Variants in IQCM observed in about 807,000 individuals in gnomAD.
IQCM encodes IQ domain-containing protein M.
IQCM carries 45 observed loss-of-function variants against 57.6 expected under a neutral mutation model. The observed-to-expected ratio is 0.78, with a 90% confidence interval of 0.62 to 1.00. IQCM has a LOEUF of 1.00. IQCM is among the 50% of genes least tolerant of loss of function. The pLI, the probability that IQCM is intolerant of heterozygous loss-of-function variation, is 0.00. For synonymous variants in IQCM, 148 were observed against 158.9 expected (o/e 0.93, Z 0.51); for missense variants, 468 against 511.6 (o/e 0.91, Z 0.82).
At chr4:149,541,154 A>C (rs1030430212) in intron 12 of IQCM, among the ~76,000 whole-genome samples, 6 of 152,164 alleles carry the variant, frequency 3.9e-5, no homozygotes, top group Non-Finnish European at 8.8e-5. Flanking sequence ...TTGGTAAAGG[A>C]GCAGAAAATG....
chr4:149,722,921 A>G (rs1159471637), intron 5 of IQCM, among the ~76,000 whole-genome samples: 1 of 152,088 alleles, frequency 6.6e-6, no homozygotes, highest in African/African-American at 2.4e-5. Context: ...CTTTCAATCC[A>G]TGAGCATGAG....
At chr4:149,547,354 A>G (rs1302897083) in intron 12 of IQCM, among the ~76,000 whole-genome samples, 1 of 152,196 alleles carries the variant, frequency 6.6e-6, no homozygotes, top group South Asian at 2.1e-4. Flanking sequence ...ATAAAGATGA[A>G]CTTGGAAGAC....
intron 12 of IQCM, among the ~76,000 whole-genome samples, chr4:149,468,456 A>G (rs1004792871): frequency 1.3e-5 from 2 of 152,188 alleles, no homozygotes; most frequent in African/African-American, 4.8e-5. Context: ...TGAGGCTTGA[A>G]TAGGTAAAAG....
At chr4:149,581,105 TG>T (rs1241446743) in intron 9 of IQCM, among the ~76,000 whole-genome samples, 1 of 151,540 alleles carries the variant, frequency 6.6e-6, no homozygotes, top group African/African-American at 2.4e-5. Flanking sequence ...ATTTGGTGGT[TG>T]GGGAGTTCTG....
intron 5 of IQCM, among the ~76,000 whole-genome samples, chr4:149,722,144 G>T (rs1765501557): frequency 6.6e-6 from 1 of 151,752 alleles, no homozygotes. Flanking sequence ...GGGATTATTT[G>T]GTCTTCTCCT....
intron 8 of IQCM, among the ~76,000 whole-genome samples, chr4:149,599,671 G>T (rs750814271): frequency 6.6e-6 from 1 of 152,048 alleles, no homozygotes; most frequent in Non-Finnish European, 1.5e-5. Context: ...GTGGTAATAC[G>T]TTTGGCAGAT....
At chr4:149,630,742 A>G (rs1757195758) in intron 7 of IQCM, among the ~76,000 whole-genome samples, 1 of 152,188 alleles carries the variant, frequency 6.6e-6, no homozygotes, top group African/African-American at 2.4e-5. Context: ...AAATGTTCAT[A>G]TTTTTTGTAA....
At chr4:149,398,015 C>T (rs1422493860) in intron 13 of IQCM, among the ~76,000 whole-genome samples, 1 of 151,878 alleles carries the variant, frequency 6.6e-6, no homozygotes, top group East Asian at 1.9e-4. Flanking sequence ...CAAAGGTTTT[C>T]CCTTATGTTT....
chr4:149,754,781 T>C lies in IQCM; in HGVS notation c.-48-12042A>G, dbSNP rs183921918. 3.9e-5 allele frequency among the ~76,000 whole-genome samples: 6 copies of C among 152,336 alleles called. No individual in the cohort carries two copies. In the East Asian group the frequency reaches 1.2e-3, roughly 29 times the overall value. On this transcript the variant is annotated intron_variant, in intron 2 of 13. Transcript: ENST00000636793. ...TTTTCTACCACATACGTTTATTTTG[T>C]GATTTAGTCCTGGCTCATGGCTTTC...
chr4:149,523,308 A>G (rs1001944254), intron 12 of IQCM, among the ~76,000 whole-genome samples: 1 of 152,140 alleles, frequency 6.6e-6, no homozygotes, highest in South Asian at 2.1e-4. Flanking sequence ...TTCAGTCCAT[A>G]GCATGCAATT....
intron 13 of IQCM, among the ~76,000 whole-genome samples, chr4:149,356,852 TCA>T (rs1729031886): frequency 2.6e-5 from 4 of 152,278 alleles, no homozygotes; most frequent in African/African-American, 9.6e-5. Flanking sequence ...GCCATTTTCA[TCA>T]TATTGATTCT....
chr4:149,700,184 A>G (rs1185926918), intron 5 of IQCM, among the ~76,000 whole-genome samples: 1 of 152,106 alleles, frequency 6.6e-6, no homozygotes, highest in Non-Finnish European at 1.5e-5. Context: ...ACATATAGGC[A>G]TACACAAAGA....
At chr4:149,570,178 C>G (rs1031532761) in intron 9 of IQCM, among the ~76,000 whole-genome samples, 2 of 151,774 alleles carry the variant, frequency 1.3e-5, no homozygotes, top group South Asian at 4.1e-4. Flanking sequence ...ATATAAAATG[C>G]CTTTACTGAG....
chr4:149,661,238 T>G (rs1760177465), intron 7 of IQCM, among the ~76,000 whole-genome samples: 1 of 152,192 alleles, frequency 6.6e-6, no homozygotes, highest in Non-Finnish European at 1.5e-5. Flanking sequence ...TTTTCCTTTC[T>G]GTTAATGTGG....
chr4:149,759,102 A>C (rs1769265960), intron 2 of IQCM, among the ~76,000 whole-genome samples: 1 of 152,214 alleles, frequency 6.6e-6, no homozygotes, highest in African/African-American at 2.4e-5. Flanking sequence ...TGAGCTATCC[A>C]GCCATGAAAA....
chr4:149,676,113 T>C (rs1445800113), intron 7 of IQCM, among the ~76,000 whole-genome samples: 1 of 152,044 alleles, frequency 6.6e-6, no homozygotes, highest in Non-Finnish European at 1.5e-5. Flanking sequence ...AAATGAACAC[T>C]TGAGGAATAT....
At chr4:149,410,852 C>T (rs1733334652) in intron 13 of IQCM, among the ~76,000 whole-genome samples, 1 of 152,082 alleles carries the variant, frequency 6.6e-6, no homozygotes, top group African/African-American at 2.4e-5. Flanking sequence ...CCTAACCCTT[C>T]AACAGGATAG....
In IQCM at chr4:149,463,256, A is replaced by C. The variant is rs528656962; in HGVS notation, c.1229-29699T>G. ...CACTTTAAAATGAACTGCCATAAAC[A>C]AGAAGAGTGCAGCTTACTGCTGCTA... On this transcript the variant is annotated intron_variant, in intron 12 of 13. Transcript: ENST00000636793. Among the ~76,000 whole-genome samples, 178 of 152,342 alleles carry C rather than the reference A, an allele frequency of 1.2e-3. 1 individual carries two copies. Among genetic ancestry groups the C allele is most frequent in the Admixed American group, 1.1e-3 (17 of 15,302 alleles).
chr4:149,490,027 C>G (rs898114979), intron 12 of IQCM, among the ~76,000 whole-genome samples: 1 of 151,926 alleles, frequency 6.6e-6, no homozygotes, highest in African/African-American at 2.4e-5. Context: ...TTGCATTTTA[C>G]TGATGCTAGC....
Sources: allele counts gnomAD v4.1 joint callset (sites outside exome capture counted in the v4.1 genomes callset), GRCh38; gene constraint gnomAD v4.1.1; transcripts MANE v1.5; gene names NCBI Gene and HGNC (gene_info 2026-07-23, HGNC 2026-07-21).